Variants in TUNAR observed in about 807,000 individuals in gnomAD.
TUNAR encodes the protein protein TUNAR.
At chr14:95,893,843 T>C (rs1018371518) in intron 2 of TUNAR, among the ~76,000 whole-genome samples, 1 of 152,250 alleles carries the variant, frequency 6.6e-6, no homozygotes, top group Non-Finnish European at 1.5e-5. Context: ...ATTGTTAAGG[T>C]TCACCACCAG....
intron 2 of TUNAR, among the ~76,000 whole-genome samples, chr14:95,904,716 C>A (rs150184040): frequency 0.014 from 2,076 of 152,328 alleles, 47 homozygotes; most frequent in East Asian, 0.085. Flanking sequence ...CCCTTCCAGG[C>A]CTCGGGCCCT....
intron 2 of TUNAR, among the ~76,000 whole-genome samples, chr14:95,889,111 T>C (rs1397349580): frequency 6.6e-6 from 1 of 152,106 alleles, no homozygotes; most frequent in Admixed American, 6.5e-5. Context: ...CAAAGAGGCC[T>C]TTATACCAAC....
chr14:95,894,379 A>T (rs1889225737), intron 2 of TUNAR, among the ~76,000 whole-genome samples: 1 of 152,198 alleles, frequency 6.6e-6, no homozygotes, highest in Non-Finnish European at 1.5e-5. Flanking sequence ...CAAATTAGAC[A>T]GTCATGCCCT....
chr14:95,890,185 G>A (rs1023049653), intron 2 of TUNAR, among the ~76,000 whole-genome samples: 3 of 152,134 alleles, frequency 2.0e-5, no homozygotes, highest in African/African-American at 4.8e-5. Flanking sequence ...CATGGAAATC[G>A]AAGCAAGAAG....
chr14:95,889,403 G>A (rs1373834084), intron 2 of TUNAR, among the ~76,000 whole-genome samples: 2 of 152,206 alleles, frequency 1.3e-5, no homozygotes, highest in East Asian at 3.9e-4. Context: ...CACCGTGCCT[G>A]CTGCATGTGA....
At chr14:95,896,389 C>T (rs1889270078) in intron 2 of TUNAR, among the ~76,000 whole-genome samples, 3 of 152,276 alleles carry the variant, frequency 2.0e-5, no homozygotes, top group Admixed American at 2.0e-4. Context: ...CAGGCATGAC[C>T]CTGTACCCAC....
chr14:95,922,765 C>T lies in TUNAR; in HGVS notation c.13-16C>T, dbSNP rs1300110316. ...TATAAATGATCATCTTTTGTGCTGC[C>T]TCTTTCCAATTACAGGTTAGCCTGG... is the stretch of plus-strand genomic sequence containing the variant. On this transcript the variant is annotated splice_polypyrimidine_tract_variant and intron_variant, in intron 2 of 2. Coordinates refer to ENST00000678517, the Ensembl canonical transcript of TUNAR. 7.5e-6 allele frequency: 3 copies of T among 398,900 alleles called. No individual in the cohort carries two copies. In the East Asian group the frequency reaches 1.1e-4, roughly 14 times the overall value. The allele number at this position is 398,900 out of a possible 1,614,324, so 24.7% of individuals were successfully genotyped here. A position where few individuals can be genotyped will look rare whatever the true frequency, so the allele number is the denominator to read the frequency against.
chr14:95,880,460 C>G (rs74085719), intron 2 of TUNAR, among the ~76,000 whole-genome samples: 2,804 of 152,206 alleles, frequency 0.018, 55 homozygotes, highest in East Asian at 0.08. Context: ...TCTGAGAGCA[C>G]TAGAATGAGC....
chr14:95,923,083 A>G (rs1395444954), exon 3 of TUNAR: 3 of 397,612 alleles, frequency 7.5e-6, no homozygotes, highest in Non-Finnish European at 1.3e-5. Context: ...CATACCACCC[A>G]ATCAAATGCA....
intron 2 of TUNAR, among the ~76,000 whole-genome samples, chr14:95,892,152 G>C (rs960662730): frequency 4.6e-5 from 7 of 152,248 alleles, no homozygotes; most frequent in Non-Finnish European, 7.3e-5. Context: ...CTATGACACT[G>C]AGACGCTGCC....
At chr14:95,889,959 C>CAAAAA (rs535897006) in intron 2 of TUNAR, among the ~76,000 whole-genome samples, 1 of 92,202 alleles carries the variant, frequency 1.1e-5, no homozygotes. Flanking sequence ...GACACAAAGA[C>CAAAAA]AAAAAAAAAA....
chr14:95,882,046 G>A (rs1184114538), intron 2 of TUNAR, among the ~76,000 whole-genome samples: 1 of 152,214 alleles, frequency 6.6e-6, no homozygotes, highest in African/African-American at 2.4e-5. Flanking sequence ...TTTGTTGATA[G>A]GTGATGAGAA....
At chr14:95,915,032 G>A (rs929459745) in intron 2 of TUNAR, among the ~76,000 whole-genome samples, 1 of 152,180 alleles carries the variant, frequency 6.6e-6, no homozygotes, top group Admixed American at 6.5e-5. Context: ...AAAGCAAAGG[G>A]CTTTCCTGAC....
At chr14:95,902,392 G>A (rs1419910050) in intron 2 of TUNAR, among the ~76,000 whole-genome samples, 1 of 152,122 alleles carries the variant, frequency 6.6e-6, no homozygotes, top group Non-Finnish European at 1.5e-5. Context: ...TCAGAAGATG[G>A]TAAAACCCAC....
intron 2 of TUNAR, among the ~76,000 whole-genome samples, chr14:95,914,569 A>G (rs1317698069): frequency 6.6e-6 from 1 of 152,180 alleles, no homozygotes; most frequent in Non-Finnish European, 1.5e-5. Flanking sequence ...AGAAGGGATC[A>G]TGATTAGGAG....
At chr14:95,885,703 CATGTCTTACAGGTGACA>C (rs1214147062) in intron 2 of TUNAR, among the ~76,000 whole-genome samples, 1 of 152,074 alleles carries the variant, frequency 6.6e-6, no homozygotes. Flanking sequence ...AGGAGGGTTC[CATGTCTTACAGGTGACA>C]GGGAACTGTG....
At chr14:95,921,822 A>G (rs1305413004) in intron 2 of TUNAR, among the ~76,000 whole-genome samples, 1 of 152,190 alleles carries the variant, frequency 6.6e-6, no homozygotes, top group Non-Finnish European at 1.5e-5. Context: ...GCCTTTATAA[A>G]TCAAATTGTA....
chr14:95,881,941 C>T (rs1221613651), intron 2 of TUNAR, among the ~76,000 whole-genome samples: 1 of 152,238 alleles, frequency 6.6e-6, no homozygotes, highest in Non-Finnish European at 1.5e-5. Flanking sequence ...CTGACGCTGG[C>T]CTTGCCTGTG....
intron 2 of TUNAR, among the ~76,000 whole-genome samples, chr14:95,890,398 G>A (rs1889160573): frequency 6.6e-6 from 1 of 152,166 alleles, no homozygotes. Flanking sequence ...CTACATTTGT[G>A]TGGCCTCAAA....
Sources: allele counts gnomAD v4.1 joint callset (sites outside exome capture counted in the v4.1 genomes callset), GRCh38; gene constraint gnomAD v4.1.1; transcripts MANE v1.5; gene names NCBI Gene and HGNC (gene_info 2026-07-23, HGNC 2026-07-21).